The following TRDN variants were observed in gnomAD, a reference collection of about 807,000 sequenced individuals.
TRDN encodes the protein triadin in skeletal muscle.
Under a neutral mutation model 149.7 loss-of-function variants are expected in TRDN, and 161 were observed. The observed-to-expected ratio is 1.08, with a 90% CI of 0.95 to 1.23. TRDN has a LOEUF of 1.23. Among genes scored for constraint, TRDN ranks in the 50% most tolerant of loss-of-function variants. The pLI, the probability that TRDN is intolerant of heterozygous loss-of-function variation, is 0.00. For missense variants in TRDN, 896 were observed against 823.5 expected, an observed-to-expected ratio of 1.09 and a Z score of -1.08; for synonymous variants, 294 against 250.5, an observed-to-expected ratio of 1.17 and a Z score of -1.64.
chr6:123,453,961 T>A (rs1300328471), intron 10 of TRDN, among the ~76,000 whole-genome samples: 1 of 151,946 alleles, frequency 6.6e-6, no homozygotes. Flanking sequence ...TAAAAAGGAA[T>A]GAATTAACAG....
chr6:123,591,940 C>T (rs1253185812), intron 1 of TRDN, among the ~76,000 whole-genome samples: 1 of 152,140 alleles, frequency 6.6e-6, no homozygotes, highest in Non-Finnish European at 1.5e-5. Context: ...TAAAGCTGCA[C>T]CCACCTAGAG....
intron 1 of TRDN, among the ~76,000 whole-genome samples, chr6:123,599,220 A>G (rs1784170722): frequency 6.6e-6 from 1 of 152,034 alleles, no homozygotes; most frequent in Non-Finnish European, 1.5e-5. Flanking sequence ...AGCTCTATCC[A>G]TTTATTCTTT....
At position 123,235,817 on chromosome 6, in the gene TRDN, G is replaced by A. The variant is rs542930511; in HGVS notation, c.1976-11686C>T. Among the ~76,000 whole-genome samples, 8 of 152,244 alleles carry A rather than the reference G, an allele frequency of 5.3e-5. No homozygotes were observed. The South Asian group carries it at 1.7e-3, about 32-fold the overall frequency. On this transcript the variant is annotated intron_variant, in intron 38 of 40. Coordinates refer to ENST00000334268, the MANE Select transcript of TRDN (RefSeq NM_006073.4). ...AAACTTCCCGTATGGAACCTTTGGA[G>A]CTTAGCTTCAGAAGAAATAACGTAT...
intron 38 of TRDN, among the ~76,000 whole-genome samples, chr6:123,250,043 A>G (rs1776321129): frequency 1.3e-5 from 2 of 152,166 alleles, no homozygotes; most frequent in Admixed American, 6.6e-5. Context: ...TAGCATTTCC[A>G]TACACCAATA....
chr6:123,479,229 A>G (rs1777636118), intron 9 of TRDN, among the ~76,000 whole-genome samples: 1 of 152,140 alleles, frequency 6.6e-6, no homozygotes, highest in Non-Finnish European at 1.5e-5. Flanking sequence ...TTTTTCCCCA[A>G]TCATTTATAG....
At chr6:123,635,453 A>C (rs747072898) in intron 1 of TRDN, among the ~76,000 whole-genome samples, 2 of 151,854 alleles carry the variant, frequency 1.3e-5, no homozygotes, top group Non-Finnish European at 2.9e-5. Flanking sequence ...AAACTGAGAT[A>C]ATAATGCCTA....
chr6:123,516,966 C>A (rs1331057445), intron 5 of TRDN, among the ~76,000 whole-genome samples: 1 of 151,928 alleles, frequency 6.6e-6, no homozygotes, highest in Non-Finnish European at 1.5e-5. Flanking sequence ...ATTATTTTCC[C>A]TAACTATCAT....
chr6:123,504,413 T>G (rs1778827648), intron 7 of TRDN, among the ~76,000 whole-genome samples: 1 of 152,138 alleles, frequency 6.6e-6, no homozygotes, highest in African/African-American at 2.4e-5. Flanking sequence ...GTAATGCAAG[T>G]GTAAAATTAT....
chr6:123,281,919 GT>G (rs1232010573), intron 24 of TRDN, among the ~76,000 whole-genome samples: 2 of 151,982 alleles, frequency 1.3e-5, no homozygotes, highest in Non-Finnish European at 2.9e-5. Flanking sequence ...CAAAATACAT[GT>G]GGAAGTCCAG....
chr6:123,229,746 A>C (rs945114721), intron 38 of TRDN, among the ~76,000 whole-genome samples: 4 of 151,884 alleles, frequency 2.6e-5, no homozygotes, highest in Non-Finnish European at 5.9e-5. Flanking sequence ...TATGGACTCT[A>C]ATTACAATTG....
intron 26 of TRDN, among the ~76,000 whole-genome samples, chr6:123,278,063 T>A (rs1205747137): frequency 6.6e-6 from 1 of 152,170 alleles, no homozygotes; most frequent in African/African-American, 2.4e-5. Flanking sequence ...ATCTTGGTTT[T>A]GTGGGAATCA....
At position 123,277,651 on chromosome 6, in the gene TRDN, C is replaced by T. The variant is rs73771917; in HGVS notation, c.1567+667G>A. ...TGATGCATCTACAAGCCAAGGAACA[C>T]CAAGGATTGCTGGAAAACACCAGAA... On this transcript the variant is annotated intron_variant, in intron 26 of 40. Coordinates refer to ENST00000334268, the MANE Select transcript of TRDN (RefSeq NM_006073.4). Among the ~76,000 whole-genome samples, 213 of 152,160 alleles carry T rather than the reference C, an allele frequency of 1.4e-3. 1 individual carries two copies. The highest frequency in any genetic ancestry group is 4.9e-3 in the African/African-American group (203 of 41,520).
At chr6:123,322,261 G>A (rs1197966674) in intron 23 of TRDN, among the ~76,000 whole-genome samples, 2 of 152,162 alleles carry the variant, frequency 1.3e-5, no homozygotes, top group Non-Finnish European at 2.9e-5. Context: ...GAGTTGCAGA[G>A]ATCATTTTTG....
chr6:123,378,531 G>C (rs1240423933), intron 16 of TRDN, among the ~76,000 whole-genome samples: 7 of 150,662 alleles, frequency 4.6e-5, no homozygotes, highest in African/African-American at 1.2e-4. Flanking sequence ...TGCCCAGGCT[G>C]GTCTCAAACT....
chr6:123,425,752 ACCGGAAG>A (rs1774093820), intron 12 of TRDN, among the ~76,000 whole-genome samples: 1 of 152,096 alleles, frequency 6.6e-6, no homozygotes, highest in Non-Finnish European at 1.5e-5. Context: ...GGGATGAGAG[ACCGGAAG>A]GAGAATGTAG....
At chr6:123,522,474 A>ACTATTTTT (rs1220580527) in intron 5 of TRDN, among the ~76,000 whole-genome samples, 1 of 144,676 alleles carries the variant, frequency 6.9e-6, no homozygotes, top group Non-Finnish European at 1.5e-5. Flanking sequence ...GAAATACATT[A>ACTATTTTT]CTATTTTTCT....
intron 30 of TRDN, among the ~76,000 whole-genome samples, chr6:123,270,453 A>G (rs1288739896): frequency 6.6e-6 from 1 of 151,922 alleles, no homozygotes; most frequent in East Asian, 1.9e-4. Context: ...TGGAATGATT[A>G]TTAGTAAGAG....
intron 4 of TRDN, among the ~76,000 whole-genome samples, chr6:123,546,133 T>C (rs1213848140): frequency 6.6e-6 from 1 of 152,124 alleles, no homozygotes; most frequent in Non-Finnish European, 1.5e-5. Context: ...TATAAATCTC[T>C]TGAAGTTTAT....
chr6:123,403,650 C>A (rs1308729132), intron 12 of TRDN, among the ~76,000 whole-genome samples: 1 of 152,060 alleles, frequency 6.6e-6, no homozygotes, highest in African/African-American at 2.4e-5. Flanking sequence ...AATCAAAATT[C>A]CCCTATTAAA....
Sources: gnomAD v4.1 joint callset for allele counts (sites outside exome capture counted in the v4.1 genomes callset) on GRCh38, gnomAD v4.1.1 for gene constraint, MANE v1.5 for transcripts, NCBI Gene and HGNC (gene_info 2026-07-23, HGNC 2026-07-21) for gene names.